Variants in FAM13B observed in about 807,000 individuals in gnomAD.
The protein encoded by FAM13B is family with sequence similarity 13 member B, also known as protein FAM13B.
Under a neutral mutation model 117.3 loss-of-function variants are expected in FAM13B, and 60 were observed. The observed-to-expected ratio is 0.51, with a 90% CI of 0.42 to 0.63. The LOEUF (loss-of-function observed/expected upper bound fraction) is 0.63, where lower values mean the gene tolerates loss of function less well. Ranked by LOEUF, FAM13B falls within the 30% of genes least tolerant of loss-of-function variation. The pLI is 0.00. For missense variants in FAM13B, 972 were observed against 1,091.9 expected, an observed-to-expected ratio of 0.89 and a Z score of 1.55; for synonymous variants, 332 against 356.1, an observed-to-expected ratio of 0.93 and a Z score of 0.76.
intron 7 of FAM13B, among the ~76,000 whole-genome samples, chr5:137,991,605 G>T (rs916047026): frequency 3.9e-5 from 6 of 152,102 alleles, no homozygotes; most frequent in African/African-American, 1.4e-4. Flanking sequence ...CAAAAAAATA[G>T]GCAGACAGAA....
chr5:138,009,508 A>G (rs574342404), intron 6 of FAM13B, among the ~76,000 whole-genome samples: 71 of 152,080 alleles, frequency 4.7e-4, no homozygotes, highest in African/African-American at 1.7e-3. Context: ...AAAAGTTTTC[A>G]GAAGTATAAA....
chr5:138,017,346 C>T lies in FAM13B; in HGVS notation c.370+956G>A, dbSNP rs1055284315. Among the ~76,000 whole-genome samples the T allele has an allele frequency of 2.0e-5, 3 of 152,120 alleles. No homozygotes were observed. The South Asian group carries it at 6.2e-4, about 31-fold the overall frequency. The stretch of plus-strand genomic sequence containing the variant: ...ATAAACACTTTCGAAAGAAAATATA[C>T]CTTCTCTGACAACATAATACTTAAG... On this transcript the variant is annotated intron_variant, in intron 4 of 23. Coordinates refer to ENST00000689681, the MANE Select transcript of FAM13B (RefSeq NM_001385994.1).
intron 16 of FAM13B, 136 bp downstream of exon 16, chr5:137,953,184 TTATATAATCTCAGATC>T: frequency 1.3e-6 from 1 of 782,928 alleles, no homozygotes; most frequent in Middle Eastern, 3.0e-4. Context: ...GACCAAGGAG[TTATATAATCTCAGATC>T]TACATGATCA....
Position 137,953,340 on chromosome 5 carries a change from C to T in FAM13B, c.1844G>A (p.Ser615Asn). The T allele has an allele frequency of 1.2e-6, 2 of 1,613,764 alleles. No homozygotes were observed. The highest frequency in any genetic ancestry group is 2.7e-5 in the African/African-American group (2 of 75,050). ...FEEQFERERN[S>N]KPSYSDIAAN... is the part of the protein sequence containing the mutation. ...TGGGGAATGCTACAAACCTACCTTGCTATTTCTTTCCCTTTCAAACTGTTC... is the reference window on the plus strand; with the variant it reads ...TGGGGAATGCTACAAACCTACCTTGTTATTTCTTTCCCTTTCAAACTGTTC... Residue 615 changes from serine to asparagine, a missense_variant, in exon 16 of 24, where the codon AGC becomes AAC. Transcript: ENST00000689681.
intron 10 of FAM13B, among the ~76,000 whole-genome samples, chr5:137,971,792 C>A (rs1471250764): frequency 6.6e-6 from 1 of 150,900 alleles, no homozygotes; most frequent in East Asian, 1.9e-4. Context: ...CACCACCAAT[C>A]CCACAGAAAT....
chr5:137,949,868 G>T (rs1416801797), intron 17 of FAM13B, among the ~76,000 whole-genome samples: 5 of 151,988 alleles, frequency 3.3e-5, no homozygotes, highest in African/African-American at 1.2e-4. Flanking sequence ...AGGCTGGGGT[G>T]GGAAGACCAC....
intron 18 of FAM13B, 21 bp from the exon 19 acceptor site, chr5:137,946,332 T>TA: frequency 7.8e-7 from 1 of 1,285,994 alleles, no homozygotes; most frequent in Non-Finnish European, 1.0e-6. Flanking sequence ...ACAAAAAAAA[T>TA]AACAAAATAC....
intron 15 of FAM13B, 81 bp from the exon 16 acceptor site, chr5:137,953,546 T>C: frequency 7.3e-7 from 1 of 1,367,686 alleles, no homozygotes; most frequent in Non-Finnish European, 1.0e-6. Context: ...ATGGCACTAT[T>C]AGCAATAAGT....
chr5:138,024,951 A>C (rs1787884766), intron 1 of FAM13B, among the ~76,000 whole-genome samples: 1 of 151,674 alleles, frequency 6.6e-6, no homozygotes, highest in African/African-American at 2.4e-5. Context: ...GCTCACTGCA[A>C]CCTCTGTCTC....
intron 1 of FAM13B, among the ~76,000 whole-genome samples, chr5:138,023,713 C>T (rs532379588): frequency 5.3e-5 from 8 of 152,182 alleles, no homozygotes; most frequent in East Asian, 3.9e-4. Context: ...GGACTACAGG[C>T]GTGGGCCACC....
chr5:138,033,557 C>G (rs898959290), upstream of FAM13B, among the ~76,000 whole-genome samples: 2 of 152,200 alleles, frequency 1.3e-5, no homozygotes, highest in African/African-American at 2.4e-5. Context: ...CCACCCTACC[C>G]CTTCACCTCA....
chr5:137,958,427 T>TA (rs952629450), intron 13 of FAM13B, among the ~76,000 whole-genome samples: 15 of 149,822 alleles, frequency 1.0e-4, no homozygotes, highest in East Asian at 5.8e-4. Context: ...TTGGGGCTCT[T>TA]AAAAAAAAAT....
At chr5:137,956,628 A>C in intron 13 of FAM13B, 86 bp from the exon 14 acceptor site, 1 of 871,366 alleles carries the variant, frequency 1.1e-6, no homozygotes, top group Non-Finnish European at 1.6e-6. Flanking sequence ...ACAAAGCCAA[A>C]GATACCAAAA....
At chr5:137,985,454 A>G in intron 9 of FAM13B, 65 bp from the exon 10 acceptor site, 1 of 1,429,566 alleles carries the variant, frequency 7.0e-7, no homozygotes, top group Non-Finnish European at 9.6e-7. Flanking sequence ...TTACTTTAAA[A>G]TAAGTAAATA....
intron 10 of FAM13B, among the ~76,000 whole-genome samples, chr5:137,978,370 G>A (rs962551567): frequency 6.6e-6 from 1 of 151,794 alleles, no homozygotes; most frequent in African/African-American, 2.4e-5. Flanking sequence ...CTGTTAATGT[G>A]TTTTCCAGGA....
At chr5:138,038,272 C>T (rs1260068236) in intron 1 of FAM13B, among the ~76,000 whole-genome samples, 2 of 152,150 alleles carry the variant, frequency 1.3e-5, no homozygotes, top group African/African-American at 4.8e-5. Context: ...AATACAAGCA[C>T]ATCTCTTCCC....
intron 1 of FAM13B, among the ~76,000 whole-genome samples, chr5:138,024,852 G>A (rs1787841142): frequency 6.9e-6 from 1 of 143,988 alleles, no homozygotes; most frequent in Admixed American, 7.0e-5. Context: ...GAGAGAGAGA[G>A]TTTTTTGAGT....
chr5:137,980,045 T>C (rs1200810532), intron 10 of FAM13B, among the ~76,000 whole-genome samples: 3 of 147,142 alleles, frequency 2.0e-5, no homozygotes, highest in Admixed American at 2.0e-4. Context: ...TGGTGGCACA[T>C]GCCTGTAATC....
intron 4 of FAM13B, among the ~76,000 whole-genome samples, chr5:138,016,337 T>C (rs1258601791): frequency 6.6e-6 from 1 of 152,198 alleles, no homozygotes; most frequent in African/African-American, 2.4e-5. Context: ...CCAGGTACAA[T>C]GGCTCACTCC....
Sources: gnomAD v4.1 joint callset for allele counts (sites outside exome capture counted in the v4.1 genomes callset) on GRCh38, gnomAD v4.1.1 for gene constraint, MANE v1.5 for transcripts, NCBI Gene and HGNC (gene_info 2026-07-23, HGNC 2026-07-21) for gene names.